AMD1: variants seen among roughly 807,000 people sequenced by gnomAD.
AMD1 encodes the protein adenosylmethionine decarboxylase 1.
A neutral mutation model predicts 40.2 loss-of-function variants in AMD1; 11 were observed. The observed-to-expected ratio is 0.27, with a 90% CI of 0.17 to 0.45. AMD1 has a LOEUF of 0.45. Ranked by LOEUF, AMD1 falls within the 20% of genes least tolerant of loss-of-function variation. The probability of loss-of-function intolerance (pLI) is 1.00; values close to 1 mark genes in which losing one functional copy is unlikely to be tolerated. For missense variants in AMD1, 257 were observed against 410.2 expected, an observed-to-expected ratio of 0.63 and a Z score of 3.23; for synonymous variants, 121 against 130.8, an observed-to-expected ratio of 0.93 and a Z score of 0.51.
the AMD1 span, among the ~76,000 whole-genome samples, chr6:110,857,621 G>GTATATATATATAATA: frequency 1.8e-5 from 2 of 108,428 alleles, no homozygotes; most frequent in African/African-American, 3.3e-5. Flanking sequence ...ATATATATAG[G>GTATATATATATAATA]TGGTATATAT....
intron 1 of AMD1, among the ~76,000 whole-genome samples, chr6:110,883,772 T>A (rs1046510382): frequency 6.6e-6 from 1 of 151,834 alleles, no homozygotes; most frequent in Non-Finnish European, 1.5e-5. Context: ...TTTTTTTTTT[T>A]ATTTTTAGTA....
the AMD1 span, among the ~76,000 whole-genome samples, chr6:110,868,391 T>TCTCA: frequency 6.6e-6 from 1 of 152,060 alleles, no homozygotes; most frequent in Non-Finnish European, 1.5e-5. Flanking sequence ...CCTCATGATC[T>TCTCA]GCCTGCCTTG....
At chr6:110,817,679 G>A in the AMD1 span, among the ~76,000 whole-genome samples, 1 of 152,146 alleles carries the variant, frequency 6.6e-6, no homozygotes, top group African/African-American at 2.4e-5. Context: ...AATAACTGCT[G>A]GAGATAGCAG....
the AMD1 span, among the ~76,000 whole-genome samples, chr6:110,865,913 C>T: frequency 6.6e-6 from 1 of 151,830 alleles, no homozygotes; most frequent in Non-Finnish European, 1.5e-5. Flanking sequence ...CAGGTTCCTG[C>T]CACCATGCCC....
At chr6:110,860,093 C>T in the AMD1 span, among the ~76,000 whole-genome samples, 2 of 152,150 alleles carry the variant, frequency 1.3e-5, no homozygotes, top group African/African-American at 2.4e-5. Flanking sequence ...TCCCCAAGTG[C>T]TGGAATTACA....
At chr6:110,893,438 A>T (rs755756486) in intron 8 of AMD1, 38 bp from the exon 9 acceptor site, 4 of 1,609,280 alleles carry the variant, frequency 2.5e-6, no homozygotes, top group Non-Finnish European at 2.5e-6. Flanking sequence ...ACTTCTCTGG[A>T]TTGCAAACAC....
the AMD1 span, among the ~76,000 whole-genome samples, chr6:110,826,273 A>C: frequency 3.1e-4 from 29 of 93,360 alleles, no homozygotes; most frequent in Non-Finnish European, 5.6e-4. Context: ...CACCATCCCA[A>C]AAAAAAAAAA....
the AMD1 span, among the ~76,000 whole-genome samples, chr6:110,828,305 A>G: frequency 2.0e-3 from 297 of 152,134 alleles, no homozygotes; most frequent in Middle Eastern, 6.8e-3. Flanking sequence ...GGTGGCAGGC[A>G]CCTGTAATTC....
At chr6:110,850,145 A>G in the AMD1 span, among the ~76,000 whole-genome samples, 2 of 152,142 alleles carry the variant, frequency 1.3e-5, no homozygotes, top group Non-Finnish European at 2.9e-5. Context: ...ACCATAAATC[A>G]TTAATTTACA....
chr6:110,861,357 C>CA, the AMD1 span, among the ~76,000 whole-genome samples: 4,273 of 97,156 alleles, frequency 0.044, 144 homozygotes, highest in Middle Eastern at 0.12. Flanking sequence ...GACTCCGTCT[C>CA]AAAAAAAAAA....
chr6:110,842,901 G>A, the AMD1 span, among the ~76,000 whole-genome samples: 4 of 152,040 alleles, frequency 2.6e-5, no homozygotes, highest in African/African-American at 4.8e-5. Context: ...TTGGGAGGCC[G>A]AGGGGGATGG....
the AMD1 span, among the ~76,000 whole-genome samples, chr6:110,850,021 CAA>C: frequency 9.2e-5 from 11 of 119,700 alleles, no homozygotes; most frequent in Non-Finnish European, 1.4e-4. Flanking sequence ...AAAACACTGT[CAA>C]AAAAAAAAAA....
intron 1 of AMD1, among the ~76,000 whole-genome samples, chr6:110,880,643 C>G (rs758330410): frequency 7.5e-5 from 11 of 145,702 alleles, no homozygotes; most frequent in Non-Finnish European, 1.6e-4. Context: ...AGGCTTGGGA[C>G]TCTTGTTCAA....
At chr6:110,885,576 G>C (rs1216331878) in intron 1 of AMD1, among the ~76,000 whole-genome samples, 1 of 152,146 alleles carries the variant, frequency 6.6e-6, no homozygotes, top group Non-Finnish European at 1.5e-5. Context: ...GATTACAGGC[G>C]TGTGCCACCA....
chr6:110,871,500 C>T (rs977416823), upstream of AMD1, among the ~76,000 whole-genome samples: 1 of 152,108 alleles, frequency 6.6e-6, no homozygotes, highest in Non-Finnish European at 1.5e-5. Context: ...GGATGTAGGA[C>T]AATGCAGGAA....
At chr6:110,874,062 G>A (rs1562332267), upstream of AMD1, among the ~76,000 whole-genome samples, 1 of 152,262 alleles carries the variant, frequency 6.6e-6, no homozygotes, top group Non-Finnish European at 1.5e-5. Flanking sequence ...CCAATTCGGA[G>A]GCATGGCGAG....
chr6:110,839,098 G>A, the AMD1 span, among the ~76,000 whole-genome samples: 3 of 152,180 alleles, frequency 2.0e-5, no homozygotes, highest in Non-Finnish European at 2.9e-5. Flanking sequence ...AACTTTTTTT[G>A]TATATCTCTA....
chr6:110,817,608 C>G, the AMD1 span, among the ~76,000 whole-genome samples: 1 of 149,238 alleles, frequency 6.7e-6, no homozygotes, highest in Non-Finnish European at 1.5e-5. Flanking sequence ...GACCCCGACT[C>G]AAAAAAAAAT....
intron 1 of AMD1, among the ~76,000 whole-genome samples, chr6:110,876,803 A>T (rs568450285): frequency 1.3e-5 from 2 of 152,344 alleles, no homozygotes; most frequent in East Asian, 3.9e-4. Context: ...TAATTAACCT[A>T]GAAAATCTTG....
Sources: gnomAD v4.1 joint callset for allele counts (sites outside exome capture counted in the v4.1 genomes callset) on GRCh38, gnomAD v4.1.1 for gene constraint, MANE v1.5 for transcripts, NCBI Gene and HGNC (gene_info 2026-07-23, HGNC 2026-07-21) for gene names.